The following CHN1 variants were observed in gnomAD, a reference collection of about 807,000 sequenced individuals.
CHN1 encodes chimerin 1.
Under a neutral mutation model 59.5 loss-of-function variants are expected in CHN1, and 37 were observed. That is an observed-to-expected ratio of 0.62 (90% CI 0.48 to 0.82). The LOEUF (loss-of-function observed/expected upper bound fraction) is 0.82. Among genes scored for constraint, CHN1 ranks in the 40% least tolerant of loss-of-function variants. The pLI, the probability that CHN1 is intolerant of heterozygous loss-of-function variation, is 0.00. For missense variants in CHN1, 469 were observed against 571.0 expected (o/e 0.82, Z 1.82); for synonymous variants, 206 against 200.4 (o/e 1.03, Z -0.24).
chr2:174,974,966 ACT>A (rs1247880100), intron 1 of CHN1, among the ~76,000 whole-genome samples: 1 of 150,842 alleles, frequency 6.6e-6, no homozygotes, highest in African/African-American at 2.4e-5. Flanking sequence ...TACACTGACC[ACT>A]GGAGTTAACT....
At chr2:174,865,896 T>C (rs1687202754) in intron 6 of CHN1, among the ~76,000 whole-genome samples, 1 of 152,184 alleles carries the variant, frequency 6.6e-6, no homozygotes, top group Non-Finnish European at 1.5e-5. Context: ...AGAAGGGACC[T>C]TGTGGTCATC....
At chr2:174,927,640 A>G (rs1689216236) in intron 3 of CHN1, among the ~76,000 whole-genome samples, 2 of 152,200 alleles carry the variant, frequency 1.3e-5, no homozygotes, top group South Asian at 4.1e-4. Context: ...TCAAGACAGT[A>G]GTCCAAAAAA....
rs183064999 is a variant in CHN1, at chr2:174,935,441, T to C, written c.114+9447A>G. Among the ~76,000 whole-genome samples, 350 of 152,308 alleles carry C rather than the reference T, an allele frequency of 2.3e-3. 1 individual carries two copies. The highest frequency in any genetic ancestry group is 3.1e-3 in the Non-Finnish European group (208 of 68,020). ...TTTTGTAAGCCATATTATAAGAACA[T>C]TGTATTGAAAAATAAATTACACAAA... On this transcript the variant is annotated intron_variant, in intron 3 of 12. Transcript: ENST00000409900.
intron 1 of CHN1, among the ~76,000 whole-genome samples, chr2:174,967,205 G>A (rs1429539373): frequency 6.6e-6 from 1 of 151,954 alleles, no homozygotes; most frequent in Non-Finnish European, 1.5e-5. Flanking sequence ...TTAATCAGGT[G>A]TAGTGGCATG....
At chr2:174,847,405 G>A (rs1376017145) in intron 6 of CHN1, 2 of 1,215,546 alleles carry the variant, frequency 1.6e-6, no homozygotes, top group East Asian at 3.5e-5. Context: ...AAAAGAAAGA[G>A]TCGATGCTAA....
intron 6 of CHN1, among the ~76,000 whole-genome samples, chr2:174,855,731 T>C (rs1478903027): frequency 6.6e-6 from 1 of 152,162 alleles, no homozygotes; most frequent in South Asian, 2.1e-4. Context: ...AAGGTAGTTA[T>C]TACAATTCTC....
chr2:174,944,120 T>A (rs1429868715), intron 3 of CHN1, among the ~76,000 whole-genome samples: 10 of 152,218 alleles, frequency 6.6e-5, no homozygotes, highest in African/African-American at 1.9e-4. Context: ...GACAGACATT[T>A]AGGTTTTTTT....
At chr2:174,990,677 T>TA (rs1184787723) in intron 1 of CHN1, among the ~76,000 whole-genome samples, 4 of 151,930 alleles carry the variant, frequency 2.6e-5, no homozygotes, top group Admixed American at 6.6e-5. Flanking sequence ...TAACTTCAAC[T>TA]AAAAAAAATG....
chr2:174,870,505 G>A (rs1005095730), intron 6 of CHN1, among the ~76,000 whole-genome samples: 3 of 152,192 alleles, frequency 2.0e-5, no homozygotes, highest in African/African-American at 7.2e-5. Flanking sequence ...AGGAAAATAC[G>A]ATGGAGCAAA....
intron 6 of CHN1, 107 bp downstream of exon 6, chr2:174,877,733 T>G: frequency 4.3e-6 from 4 of 922,176 alleles, no homozygotes; most frequent in Non-Finnish European, 6.2e-6. Context: ...GAAAAATGAA[T>G]ATACTTTCCA....
At chr2:174,847,230 C>A in intron 6 of CHN1, 1 of 1,440,054 alleles carries the variant, frequency 6.9e-7, no homozygotes, top group Non-Finnish European at 9.1e-7. Flanking sequence ...GCACAGAACC[C>A]TAACCTACAG....
intron 11 of CHN1, among the ~76,000 whole-genome samples, chr2:174,807,003 C>T (rs1023539921): frequency 1.3e-5 from 2 of 152,004 alleles, no homozygotes; most frequent in Non-Finnish European, 2.9e-5. Flanking sequence ...CCTTGATTTC[C>T]GAAAGTTTCT....
At chr2:174,919,616 A>C (rs1024217374) in intron 3 of CHN1, among the ~76,000 whole-genome samples, 1 of 152,186 alleles carries the variant, frequency 6.6e-6, no homozygotes, top group African/African-American at 2.4e-5. Context: ...TTTCTGGGCA[A>C]AATTCACCTT....
At chr2:174,917,719 T>A (rs1430234254) in intron 4 of CHN1, among the ~76,000 whole-genome samples, 22 of 152,106 alleles carry the variant, frequency 1.4e-4, no homozygotes. Flanking sequence ...TAGGTGTGCA[T>A]CTGTAATCCA....
chr2:174,942,245 T>C (rs1273345978), intron 3 of CHN1, among the ~76,000 whole-genome samples: 1 of 152,092 alleles, frequency 6.6e-6, no homozygotes, highest in Non-Finnish European at 1.5e-5. Flanking sequence ...ATAGCCAAAA[T>C]ATGGAATCAA....
intron 7 of CHN1, among the ~76,000 whole-genome samples, chr2:174,827,036 A>AT (rs1223819517): frequency 6.6e-6 from 1 of 152,128 alleles, no homozygotes; most frequent in Non-Finnish European, 1.5e-5. Flanking sequence ...TTACAAAACT[A>AT]TTTGTCTAAC....
chr2:174,951,541 A>G (rs1417884095), intron 2 of CHN1, among the ~76,000 whole-genome samples: 1 of 152,236 alleles, frequency 6.6e-6, no homozygotes, highest in Non-Finnish European at 1.5e-5. Flanking sequence ...CATTTTGATT[A>G]TATTAGCCCT....
chr2:174,824,340 G>A, intron 8 of CHN1, 94 bp downstream of exon 8: 1 of 899,062 alleles, frequency 1.1e-6, no homozygotes. Context: ...CCAGGATCCA[G>A]CCTACTGGAT....
At chr2:174,862,232 C>T (rs1409193981) in intron 6 of CHN1, among the ~76,000 whole-genome samples, 1 of 152,096 alleles carries the variant, frequency 6.6e-6, no homozygotes, top group African/African-American at 2.4e-5. Flanking sequence ...GCCAAAATAT[C>T]AAACCATGTC....
Sources: allele counts gnomAD v4.1 joint callset (sites outside exome capture counted in the v4.1 genomes callset), GRCh38; gene constraint gnomAD v4.1.1; transcripts MANE v1.5; gene names NCBI Gene and HGNC (gene_info 2026-07-23, HGNC 2026-07-21).